Variants in CCDC7 observed in about 807,000 individuals in gnomAD.
CCDC7 encodes coiled-coil domain-containing protein 7.
CCDC7 carries 183 observed loss-of-function variants against 196.9 expected under a neutral mutation model. The ratio of observed to expected loss-of-function variants is 0.93; its 90% CI spans 0.82 to 1.05. The LOEUF (loss-of-function observed/expected upper bound fraction) is 1.05. CCDC7 is among the 50% of genes least tolerant of loss of function. The probability of loss-of-function intolerance (pLI) is 0.00; values close to 1 mark genes in which losing one functional copy is unlikely to be tolerated. For synonymous variants in CCDC7, 525 were observed against 484.6 expected (o/e 1.08, Z -1.10); for missense variants, 1,540 against 1,482.2 (o/e 1.04, Z -0.64).
intron 14 of CCDC7, 98 bp downstream of exon 15, chr10:32,565,718 G>A (rs1330905658): frequency 4.6e-5 from 60 of 1,304,310 alleles, no homozygotes; most frequent in Non-Finnish European, 5.9e-5. Context: ...AAGCTAAGAG[G>A]TCTACATATT....
At chr10:32,473,670 A>C (rs2038402514) in intron 7 of CCDC7, among the ~76,000 whole-genome samples, 1 of 152,106 alleles carries the variant, frequency 6.6e-6, no homozygotes, top group South Asian at 2.1e-4. Flanking sequence ...TGATGATTGG[A>C]TATGGAAGGA....
chr10:32,551,853 TGAATA>T (rs1451712813), intron 13 of CCDC7, among the ~76,000 whole-genome samples: 1 of 152,218 alleles, frequency 6.6e-6, no homozygotes, highest in Non-Finnish European at 1.5e-5. Context: ...CATGCGCTGT[TGAATA>T]GAATGTGTAT....
rs2136221312 is a variant in CCDC7, at chr10:32,848,485, G to A, written c.3773-111G>A. 6.5e-6 allele frequency: 5 copies of A among 764,314 alleles called. No homozygotes were observed. In the South Asian group the frequency reaches 8.7e-5, roughly 13 times the overall value. 47.3% of individuals were successfully genotyped at this position (764,314 alleles called of 1,614,324 possible). A position where few individuals can be genotyped will look rare whatever the true frequency, so the allele number is the denominator to read the frequency against. On this transcript the variant is annotated intron_variant, in intron 38 of 41. Coordinates refer to ENST00000639629, the Ensembl canonical transcript of CCDC7. ...TAAACAAGTGGCCATTTAATAAAATGTGGGAAGAAAAATTACCAAGGCAGA... is the reference window on the plus strand; with the variant it reads ...TAAACAAGTGGCCATTTAATAAAATATGGGAAGAAAAATTACCAAGGCAGA...
intron 33 of CCDC7, 128 bp from the exon 35 acceptor site, chr10:32,845,115 A>T (rs1461008885): frequency 1.2e-5 from 6 of 519,008 alleles, no homozygotes; most frequent in Non-Finnish European, 1.7e-5. Flanking sequence ...TGACAATAGT[A>T]CCAATATGTT....
chr10:32,665,564 C>T (rs1276683644), intron 21 of CCDC7, among the ~76,000 whole-genome samples: 1 of 151,918 alleles, frequency 6.6e-6, no homozygotes, highest in Non-Finnish European at 1.5e-5. Context: ...ATATTTTATT[C>T]CAGTGATCTA....
chr10:32,488,861 T>C (rs1283081702), intron 8 of CCDC7, among the ~76,000 whole-genome samples: 1 of 152,180 alleles, frequency 6.6e-6, no homozygotes, highest in East Asian at 1.9e-4. Context: ...GATCTTCACC[T>C]ATGGGTGGTT....
intron 14 of CCDC7, among the ~76,000 whole-genome samples, chr10:32,566,359 AAAG>A (rs1356178930): frequency 6.6e-6 from 1 of 152,158 alleles, no homozygotes; most frequent in Non-Finnish European, 1.5e-5. Flanking sequence ...AGTTTATCCT[AAAG>A]AAGAAAAAAG....
At chr10:32,532,142 C>T (rs943078464) in intron 11 of CCDC7, among the ~76,000 whole-genome samples, 2 of 151,920 alleles carry the variant, frequency 1.3e-5, no homozygotes, top group Non-Finnish European at 2.9e-5. Flanking sequence ...TATTTGAAGT[C>T]TTTCTACTTT....
chr10:32,610,930 A>AT (rs1420268460), intron 18 of CCDC7, among the ~76,000 whole-genome samples: 5 of 152,242 alleles, frequency 3.3e-5, no homozygotes, highest in Admixed American at 6.5e-5. Context: ...TCCTTTGAGT[A>AT]TATACCCAGT....
intron 18 of CCDC7, among the ~76,000 whole-genome samples, chr10:32,597,631 T>G (rs1370002138): frequency 6.6e-6 from 1 of 152,224 alleles, no homozygotes; most frequent in Non-Finnish European, 1.5e-5. Context: ...TTTTCTGCTC[T>G]GGTTTCTCCC....
intron 28 of CCDC7, among the ~76,000 whole-genome samples, chr10:32,748,328 A>T (rs2075137052): frequency 1.3e-5 from 2 of 152,180 alleles, no homozygotes; most frequent in African/African-American, 4.8e-5. Context: ...TTACCCATCT[A>T]ACAGACCTCC....
chr10:32,761,580 A>T (rs1347821067), intron 28 of CCDC7, among the ~76,000 whole-genome samples: 5 of 151,930 alleles, frequency 3.3e-5, no homozygotes, highest in African/African-American at 1.2e-4. Flanking sequence ...TAATGACCTA[A>T]AACTTTCTAT....
intron 20 of CCDC7, among the ~76,000 whole-genome samples, chr10:32,655,328 A>G (rs1371126622): frequency 6.6e-6 from 1 of 152,164 alleles, no homozygotes; most frequent in African/African-American, 2.4e-5. Flanking sequence ...GACTGTACAC[A>G]TATTTTCAAT....
intron 18 of CCDC7, among the ~76,000 whole-genome samples, chr10:32,615,444 T>C (rs1303634357): frequency 2.0e-5 from 3 of 152,210 alleles, no homozygotes; most frequent in African/African-American, 7.2e-5. Context: ...TTGGACCGTC[T>C]TTCATAGTTT....
At chr10:32,743,620 C>T (rs548424206) in intron 28 of CCDC7, among the ~76,000 whole-genome samples, 2 of 152,010 alleles carry the variant, frequency 1.3e-5, no homozygotes, top group South Asian at 4.1e-4. Flanking sequence ...ACCATTTGAC[C>T]CAGCCATCCC....
At chr10:32,762,846 TTCA>T (rs2077670097) in intron 28 of CCDC7, among the ~76,000 whole-genome samples, 1 of 151,766 alleles carries the variant, frequency 6.6e-6, no homozygotes, top group African/African-American at 2.4e-5. Flanking sequence ...TTTTATAACA[TTCA>T]CAAAAATAAA....
At position 32,511,811 on chromosome 10, in the gene CCDC7, G is replaced by A. The variant is rs958704695; in HGVS notation, c.873-6134G>A. 73 of 998,912 alleles carry A rather than the reference G, an allele frequency of 7.3e-5. No homozygotes were observed. In the South Asian group the frequency reaches 8.7e-4, roughly 12 times the overall value. 61.9% of individuals were successfully genotyped at this position (998,912 alleles called of 1,614,324 possible). ...CGGGCAACGATGACGACAATGACGC[G>A]CCAGCTCTGCCCGCGCCACCAGCGG... is the stretch of plus-strand genomic sequence containing the variant. On this transcript the variant is annotated intron_variant, in intron 9 of 41. Coordinates refer to ENST00000639629, the Ensembl canonical transcript of CCDC7.
chr10:32,497,476 G>A (rs887039407), intron 9 of CCDC7, among the ~76,000 whole-genome samples: 1 of 152,100 alleles, frequency 6.6e-6, no homozygotes, highest in African/African-American at 2.4e-5. Context: ...TCTTTTAATT[G>A]TGATGTTAGG....
intron 9 of CCDC7, chr10:32,513,674 A>G (rs964220418): frequency 2.0e-5 from 3 of 152,222 alleles, no homozygotes; most frequent in African/African-American, 7.2e-5. Flanking sequence ...GATTTATTTT[A>G]GGAATGCAAG....
Sources: gnomAD v4.1 joint callset for allele counts (sites outside exome capture counted in the v4.1 genomes callset) on GRCh38, gnomAD v4.1.1 for gene constraint, MANE v1.5 for transcripts, NCBI Gene and HGNC (gene_info 2026-07-23, HGNC 2026-07-21) for gene names.